UTS2B: variants seen among roughly 807,000 people sequenced by gnomAD.
UTS2B encodes the protein urotensin 2B, also known as urotensin-2B.
In UTS2B, 21 loss-of-function variants were observed where a neutral mutation model predicts 19.2. The ratio of observed to expected loss-of-function variants is 1.09; its 90% CI spans 0.78 to 1.58. The LOEUF is 1.58. Among genes scored for constraint, UTS2B ranks in the 40% most tolerant of loss-of-function variants. The pLI is 0.00. For missense variants in UTS2B, 138 were observed against 130.3 expected (o/e 1.06, Z -0.29); for synonymous variants, 57 against 50.2 (o/e 1.14, Z -0.58).
rs112568266 is a variant in UTS2B, at chr3:191,304,889, T to C, written c.-181-341A>G. ...CCTCTATGTGTCCATGTGTTCTCATTATTTAGCTCCCTCTTACAAGTGAGA... is the reference window on the plus strand; with the variant it reads ...CCTCTATGTGTCCATGTGTTCTCATCATTTAGCTCCCTCTTACAAGTGAGA... On this transcript the variant is annotated intron_variant, in intron 3 of 8. Coordinates refer to ENST00000340524, the MANE Select transcript of UTS2B (RefSeq NM_198152.5). Among the ~76,000 whole-genome samples, 851 of 152,300 alleles carry C rather than the reference T, an allele frequency of 5.6e-3. 12 individuals carry two copies. Among genetic ancestry groups the C allele is most frequent in the South Asian group, 0.034 (163 of 4,820 alleles).
At chr3:191,276,710 G>T in intron 7 of UTS2B, 97 bp downstream of exon 7, 3 of 1,019,234 alleles carry the variant, frequency 2.9e-6, no homozygotes, top group South Asian at 1.5e-5. Context: ...GTTTTACATT[G>T]TAGTATTAAT....
At chr3:191,327,456 A>G (rs1717773933) in intron 2 of UTS2B, among the ~76,000 whole-genome samples, 1 of 152,210 alleles carries the variant, frequency 6.6e-6, no homozygotes, top group African/African-American at 2.4e-5. Flanking sequence ...AAAAGGAACT[A>G]GGGGAAGCCA....
chr3:191,303,996 G>A (rs1184025241), intron 4 of UTS2B, among the ~76,000 whole-genome samples: 1 of 151,722 alleles, frequency 6.6e-6, no homozygotes, highest in Non-Finnish European at 1.5e-5. Context: ...CTGAGATGGA[G>A]TCTTGCTCTG....
At chr3:191,319,638 T>A (rs1232352048) in intron 2 of UTS2B, among the ~76,000 whole-genome samples, 1 of 150,964 alleles carries the variant, frequency 6.6e-6, no homozygotes, top group African/African-American at 2.4e-5. Flanking sequence ...GACGGGTGGA[T>A]CACGAGGTCA....
upstream of UTS2B, among the ~76,000 whole-genome samples, chr3:191,330,803 C>G (rs1029074807): frequency 6.6e-6 from 1 of 152,150 alleles, no homozygotes; most frequent in African/African-American, 2.4e-5. Flanking sequence ...AAATGAGGGA[C>G]TGCTTGATTG....
At chr3:191,295,291 G>A (rs1226510328) in intron 4 of UTS2B, among the ~76,000 whole-genome samples, 3 of 151,824 alleles carry the variant, frequency 2.0e-5, no homozygotes, top group South Asian at 2.1e-4. Flanking sequence ...TCTTATTGCT[G>A]CTAAATCCAA....
rs1415406669 is a variant in UTS2B, at chr3:191,316,269, C to T, written c.-415G>A. 6.5e-6 allele frequency: 1 copy of T among 152,754 alleles called. No homozygotes were observed. The highest frequency in any genetic ancestry group is 2.4e-5 in the African/African-American group (1 of 41,462). 9.5% of individuals were successfully genotyped at this position (152,754 alleles called of 1,614,324 possible). A position where few individuals can be genotyped will look rare whatever the true frequency, so the allele number is the denominator to read the frequency against. ...AGACTTAAAGAATGAAGCCGCAGAT[C>T]CTCGCAGTGAGTGTTACAGTTCTTA... On this transcript the variant is annotated 5_prime_UTR_variant, in exon 3 of 9. Coordinates refer to ENST00000340524, the MANE Select transcript of UTS2B (RefSeq NM_198152.5).
chr3:191,312,255 A>G (rs1474055660), intron 3 of UTS2B, among the ~76,000 whole-genome samples: 1 of 151,440 alleles, frequency 6.6e-6, no homozygotes, highest in Non-Finnish European at 1.5e-5. Context: ...GTGCTTCCCT[A>G]CTCAGGTTGT....
At chr3:191,307,293 A>G (rs530291991) in intron 3 of UTS2B, among the ~76,000 whole-genome samples, 1 of 152,276 alleles carries the variant, frequency 6.6e-6, no homozygotes, top group African/African-American at 2.4e-5. Flanking sequence ...CAATCCGTCT[A>G]TACATCTCCT....
At chr3:191,279,366 AAC>A (rs1275943898) in intron 5 of UTS2B, among the ~76,000 whole-genome samples, 5 of 152,072 alleles carry the variant, frequency 3.3e-5, no homozygotes, top group African/African-American at 1.2e-4. Context: ...TTAAAAGAAA[AAC>A]ATTATTATGA....
intron 3 of UTS2B, among the ~76,000 whole-genome samples, chr3:191,314,289 C>T (rs1437958647): frequency 6.6e-6 from 1 of 152,156 alleles, no homozygotes; most frequent in East Asian, 1.9e-4. Flanking sequence ...TTGGGAGCCC[C>T]TGTGTGCAGC....
chr3:191,273,410 G>T (rs1201708586), intron 8 of UTS2B: 1 of 450,624 alleles, frequency 2.2e-6, no homozygotes, highest in South Asian at 1.6e-5. Context: ...GTTGGTGGTA[G>T]TCCCAGTGAC....
intron 4 of UTS2B, among the ~76,000 whole-genome samples, chr3:191,286,561 T>C (rs1370361794): frequency 1.3e-5 from 2 of 152,006 alleles, no homozygotes; most frequent in Admixed American, 1.3e-4. Context: ...TAAGAATATC[T>C]GGAGACAAAT....
chr3:191,330,965 G>A (rs139252046), upstream of UTS2B, among the ~76,000 whole-genome samples: 796 of 152,218 alleles, frequency 5.2e-3, 8 homozygotes, highest in African/African-American at 0.014. Flanking sequence ...CTACCTTTCC[G>A]TCCCTGGTAT....
intron 4 of UTS2B, among the ~76,000 whole-genome samples, chr3:191,299,789 C>T (rs1716946384): frequency 6.6e-6 from 1 of 152,326 alleles, no homozygotes; most frequent in South Asian, 2.1e-4. Flanking sequence ...GTGCCCTGCA[C>T]CTGGAAGAGC....
intron 3 of UTS2B, among the ~76,000 whole-genome samples, chr3:191,312,957 T>G (rs1378766330): frequency 6.6e-6 from 1 of 152,126 alleles, no homozygotes; most frequent in Non-Finnish European, 1.5e-5. Flanking sequence ...GGCCACATTT[T>G]TATGGGCAGT....
At chr3:191,301,718 T>C (rs1289481319) in intron 4 of UTS2B, among the ~76,000 whole-genome samples, 2 of 151,848 alleles carry the variant, frequency 1.3e-5, no homozygotes, top group Non-Finnish European at 2.9e-5. Context: ...CTCGATCTCC[T>C]GACCTTGTGA....
intron 2 of UTS2B, among the ~76,000 whole-genome samples, chr3:191,326,043 G>A (rs1018097611): frequency 6.6e-6 from 1 of 152,140 alleles, no homozygotes. Context: ...ATGCTGATGA[G>A]CTAGGAAGCA....
chr3:191,317,922 C>A (rs948635713), intron 2 of UTS2B, among the ~76,000 whole-genome samples: 2 of 152,064 alleles, frequency 1.3e-5, no homozygotes, highest in African/African-American at 4.8e-5. Context: ...CAACTGACTT[C>A]CTTAAGAGCA....
Sources: gnomAD v4.1 joint callset for allele counts (sites outside exome capture counted in the v4.1 genomes callset) on GRCh38, gnomAD v4.1.1 for gene constraint, MANE v1.5 for transcripts, NCBI Gene and HGNC (gene_info 2026-07-23, HGNC 2026-07-21) for gene names.